C9orf85: variants seen among roughly 807,000 people sequenced by gnomAD.
C9orf85 encodes the protein chromosome 9 open reading frame 85, also known as uncharacterized protein C9orf85.
Under a neutral mutation model 14.9 loss-of-function variants are expected in C9orf85, and 16 were observed. The observed-to-expected ratio is 1.08, with a 90% CI of 0.73 to 1.63. The LOEUF is 1.63. Ranked by LOEUF, C9orf85 falls within the 40% of genes most tolerant of loss-of-function variation. C9orf85 has a pLI of 0.00. For synonymous variants in C9orf85, 45 were observed against 56.8 expected, an observed-to-expected ratio of 0.79 and a Z score of 0.93; for missense variants, 172 against 186.1, an observed-to-expected ratio of 0.92 and a Z score of 0.44.
intron 1 of C9orf85, among the ~76,000 whole-genome samples, chr9:71,937,291 T>C (rs191056935): frequency 2.6e-5 from 4 of 152,350 alleles, no homozygotes; most frequent in Non-Finnish European, 5.9e-5. Flanking sequence ...ACTTTGTGTA[T>C]GCATTAGGTT....
intron 1 of C9orf85, among the ~76,000 whole-genome samples, chr9:71,945,652 G>A (rs1190657559): frequency 6.6e-6 from 1 of 151,826 alleles, no homozygotes; most frequent in Non-Finnish European, 1.5e-5. Context: ...TTATCTTTTT[G>A]TTTAGAACTT....
At position 71,950,503 on chromosome 9, in the gene C9orf85, G is replaced by A. The variant is rs186325436; in HGVS notation, c.209+3391G>A. Among the ~76,000 whole-genome samples the A allele has an allele frequency of 1.4e-3, 214 of 152,180 alleles. 2 individuals are homozygous for A. Among genetic ancestry groups the A allele is most frequent in the African/African-American group, 4.9e-3 (205 of 41,510 alleles). ...CTGCCTCAGCCTCTGGAGTAGCTGGGACTACAGGCACACACATGCCACTGT... is the reference window on the plus strand; with the variant it reads ...CTGCCTCAGCCTCTGGAGTAGCTGGAACTACAGGCACACACATGCCACTGT... On this transcript the variant is annotated intron_variant, in intron 2 of 3. Transcript: ENST00000334731.
chr9:71,913,226 T>C (rs1373903849), intron 1 of C9orf85, among the ~76,000 whole-genome samples: 3 of 152,222 alleles, frequency 2.0e-5, no homozygotes, highest in Non-Finnish European at 4.4e-5. Flanking sequence ...AGCAAAGTCA[T>C]CTGTTTTTGG....
intron 2 of C9orf85, among the ~76,000 whole-genome samples, chr9:71,948,222 C>A (rs1348908197): frequency 6.6e-6 from 1 of 152,012 alleles, no homozygotes; most frequent in African/African-American, 2.4e-5. Context: ...TGAATGCATT[C>A]CTTCTTCCTT....
chr9:71,958,210 T>C (rs1822426459), intron 2 of C9orf85, among the ~76,000 whole-genome samples: 2 of 147,138 alleles, frequency 1.4e-5, no homozygotes, highest in South Asian at 4.2e-4. Context: ...TAATTGAAGG[T>C]AATTAAAATA....
At position 71,972,843 on chromosome 9, in the gene C9orf85, T is replaced by C; in HGVS notation, c.*1T>C. The C allele has an allele frequency of 6.2e-7, 1 of 1,603,232 alleles. No individual in the cohort carries two copies. The highest frequency in any genetic ancestry group is 1.1e-5 in the South Asian group (1 of 89,800). ...AGGAGGAGACCATCAAATGAATTAA[T>C]ATCACTGTATTAAAAGTCTGCCGGG... On this transcript the variant is annotated 3_prime_UTR_variant, in exon 4 of 4. Coordinates refer to ENST00000334731, the MANE Select transcript of C9orf85 (RefSeq NM_182505.5).
intron 2 of C9orf85, among the ~76,000 whole-genome samples, chr9:71,966,399 G>A (rs537717158): frequency 2.0e-5 from 3 of 152,126 alleles, no homozygotes; most frequent in Non-Finnish European, 4.4e-5. Context: ...AGTTTTCTTA[G>A]CAATGGACTC....
At position 71,958,675 on chromosome 9, in the gene C9orf85, T is replaced by C. The variant is rs963988435; in HGVS notation, c.209+11563T>C. The stretch of plus-strand genomic sequence containing the variant: ...GCAAAGCTGTCTTAAGTAGGGAAAA[T>C]TGGTATCCGTATAGAATCTCCATTA... On this transcript the variant is annotated intron_variant, in intron 2 of 3. Coordinates refer to ENST00000334731, the MANE Select transcript of C9orf85 (RefSeq NM_182505.5). Among the ~76,000 whole-genome samples, 18 of 152,150 alleles carry C rather than the reference T, an allele frequency of 1.2e-4. No individual in the cohort carries two copies. In the East Asian group the frequency reaches 3.5e-3, roughly 29 times the overall value.
intron 2 of C9orf85, among the ~76,000 whole-genome samples, chr9:71,947,456 AT>A (rs1822130182): frequency 6.6e-6 from 1 of 152,162 alleles, no homozygotes; most frequent in African/African-American, 2.4e-5. Context: ...TAAATTATCA[AT>A]TCTTAAAACG....
chr9:71,922,193 T>TAGTA (rs1827826812), intron 1 of C9orf85, among the ~76,000 whole-genome samples: 1 of 151,992 alleles, frequency 6.6e-6, no homozygotes, highest in Non-Finnish European at 1.5e-5. Flanking sequence ...CCTGCCTCAG[T>TAGTA]CTCCCAAAGT....
intron 3 of C9orf85, chr9:71,982,632 CTTTTTTTTTT>C (rs56038535): frequency 6.5e-5 from 16 of 247,704 alleles, no homozygotes; most frequent in Non-Finnish European, 1.1e-4. Flanking sequence ...TTGTATATTT[CTTTTTTTTTT>C]TTTTTTTTTT....
At chr9:71,958,564 T>C (rs553989389) in intron 2 of C9orf85, among the ~76,000 whole-genome samples, 21 of 152,116 alleles carry the variant, frequency 1.4e-4, no homozygotes, top group Non-Finnish European at 2.4e-4. Flanking sequence ...GCCCGGCCAG[T>C]AATTAAAATA....
intron 2 of C9orf85, among the ~76,000 whole-genome samples, chr9:71,964,311 T>G (rs1822622289): frequency 6.6e-6 from 1 of 152,056 alleles, no homozygotes; most frequent in South Asian, 2.1e-4. Context: ...AAAAGCAGGC[T>G]GCCCCAGCCA....
intron 2 of C9orf85, among the ~76,000 whole-genome samples, chr9:71,961,278 A>G (rs895830420): frequency 6.6e-6 from 1 of 151,884 alleles, no homozygotes; most frequent in East Asian, 2.0e-4. Context: ...TTGGGTCACC[A>G]CGGCCAGGCG....
intron 2 of C9orf85, among the ~76,000 whole-genome samples, chr9:71,958,217 A>T (rs1358353780): frequency 4.2e-5 from 6 of 144,514 alleles, no homozygotes; most frequent in East Asian, 2.0e-4. Flanking sequence ...AGGTAATTAA[A>T]ATATATATAT....
chr9:71,971,705 G>T, intron 3 of C9orf85, 87 bp downstream of exon 3: 1 of 885,494 alleles, frequency 1.1e-6, no homozygotes, highest in Non-Finnish European at 1.8e-6. Context: ...TAGGCGCAGT[G>T]GCTCACGCCT....
intron 1 of C9orf85, among the ~76,000 whole-genome samples, chr9:71,916,588 A>G (rs1429101848): frequency 6.6e-6 from 1 of 152,242 alleles, no homozygotes; most frequent in Non-Finnish European, 1.5e-5. Context: ...TATAGTCTTC[A>G]TCTTGAGATG....
intron 1 of C9orf85, among the ~76,000 whole-genome samples, chr9:71,925,529 T>G (rs1010141845): frequency 1.3e-5 from 2 of 152,146 alleles, no homozygotes; most frequent in Non-Finnish European, 2.9e-5. Flanking sequence ...AAAGCAGCAT[T>G]AAGGAGAGCA....
In C9orf85 at chr9:71,972,969, C is replaced by A. The variant is rs1247151723; in HGVS notation, c.*127C>A. 1.7e-6 allele frequency: 1 copy of A among 591,670 alleles called. No individual in the cohort carries two copies. Among genetic ancestry groups the A allele is most frequent in the Non-Finnish European group, 2.8e-6 (1 of 361,806 alleles). 36.7% of individuals were successfully genotyped at this position (591,670 alleles called of 1,614,324 possible). On this transcript the variant is annotated 3_prime_UTR_variant, in exon 4 of 4. Transcript: ENST00000334731. ...GACCAGCCTGGCCAACATGGCGGAA[C>A]CCCATCTCCACTAAAAGTACAAAAA...
Sources: gnomAD v4.1 joint callset for allele counts (sites outside exome capture counted in the v4.1 genomes callset) on GRCh38, gnomAD v4.1.1 for gene constraint, MANE v1.5 for transcripts, NCBI Gene and HGNC (gene_info 2026-07-23, HGNC 2026-07-21) for gene names.